The following HOTAIR variants were observed in gnomAD, a reference collection of about 807,000 sequenced individuals.
HOTAIR encodes the protein HOX transcript antisense RNA, also known as HOX transcript antisense RNA (non-protein coding).
In HOTAIR at chr12:53,973,917, G is replaced by T; in HGVS notation, n.59+981C>A. ...GGCCAAGGAGCCGGCCAAAGGAGCC[G>T]CCCCCAGTAGGTAGCAGCGGCCGGG... On this transcript the variant is annotated intron_variant and non_coding_transcript_variant, in intron 1 of 6. Transcript: ENST00000424518. The surrounding 1 kb of genome is among the most constrained non-coding windows in gnomAD (Gnocchi z 4.3). 6.9e-7 allele frequency: 1 copy of T among 1,440,786 alleles called. No homozygotes were observed. The highest frequency in any genetic ancestry group is 9.1e-7 in the Non-Finnish European group (1 of 1,094,944). 89.3% of individuals were successfully genotyped at this position (1,440,786 alleles called of 1,614,324 possible). A position where few individuals can be genotyped will look rare whatever the true frequency, so the allele number is the denominator to read the frequency against.
Position 53,973,393 on chromosome 12 carries a change from T to G in HOTAIR, n.59+1505A>C. The G allele has an allele frequency of 6.2e-7, 1 of 1,614,222 alleles. No individual in the cohort carries two copies. Among genetic ancestry groups the G allele is most frequent in the Non-Finnish European group, 8.5e-7 (1 of 1,180,046 alleles). ...GAGTTCTCCACGGTCTCCTCCTTCC[T>G]GCCCCAGGCCCCCTCTCGTCAGATC... On this transcript the variant is annotated intron_variant and non_coding_transcript_variant, in intron 1 of 6. Coordinates refer to ENST00000424518, the Ensembl canonical transcript of HOTAIR. The surrounding 1 kb of genome is among the most constrained non-coding windows in gnomAD (Gnocchi z 4.3).
Position 53,973,271 on chromosome 12 carries a change from C to T in HOTAIR, n.59+1627G>A. 3 of 1,612,042 alleles carry T rather than the reference C, an allele frequency of 1.9e-6. No individual in the cohort carries two copies. The highest frequency in any genetic ancestry group is 2.2e-5 in the East Asian group (1 of 44,860). On this transcript the variant is annotated intron_variant and non_coding_transcript_variant, in intron 1 of 6. Coordinates refer to ENST00000424518, the Ensembl canonical transcript of HOTAIR. This position sits in a 1 kb window ranked among gnomAD's most constrained non-coding sequence, Gnocchi z 4.3. ...TTAACTCGGTCAACCTGGGCAACTT[C>T]TGCTCTCCGTCGCGCAAGGAGAGGG...
At chr12:53,974,694 CTG>C (rs1349083599) in intron 1 of HOTAIR, among the ~76,000 whole-genome samples, 1 of 151,818 alleles carries the variant, frequency 6.6e-6, no homozygotes, top group Non-Finnish European at 1.5e-5. Flanking sequence ...AAGCGGCTCT[CTG>C]GTGTCTCGGT....
intron 1 of HOTAIR, among the ~76,000 whole-genome samples, chr12:53,970,601 A>G (rs1939133561): frequency 6.6e-6 from 1 of 152,198 alleles, no homozygotes; most frequent in Admixed American, 6.5e-5. Context: ...AAGGGGAGGA[A>G]TATTACTTTC....
rs771475169 is a variant in HOTAIR, at chr12:53,973,411, G to C, written n.59+1487C>G. 5 of 1,614,040 alleles carry C rather than the reference G, an allele frequency of 3.1e-6. No individual in the cohort carries two copies. The highest frequency in any genetic ancestry group is 1.3e-5 in the African/African-American group (1 of 74,992). ...TCCTTCCTGCCCCAGGCCCCCTCTC[G>C]TCAGATCTCCTATCCCTACTCGGCC... On this transcript the variant is annotated intron_variant and non_coding_transcript_variant, in intron 1 of 6. Transcript: ENST00000424518. The surrounding 1 kb of genome is among the most constrained non-coding windows in gnomAD (Gnocchi z 4.3).
intron 1 of HOTAIR, among the ~76,000 whole-genome samples, chr12:53,971,898 G>A (rs568488685): frequency 3.9e-5 from 6 of 152,378 alleles, no homozygotes; most frequent in Non-Finnish European, 8.8e-5. Context: ...TGACAGACTT[G>A]TAGGAGGGCA....
At chr12:53,968,644 C>T (rs1292129413) in exon 2 of HOTAIR, 2 of 152,404 alleles carry the variant, frequency 1.3e-5, no homozygotes, top group African/African-American at 2.4e-5. Flanking sequence ...ACTGTGGAAG[C>T]TTTCGGATCA....
At chr12:53,972,367 T>A (rs1478310725) in intron 1 of HOTAIR, among the ~76,000 whole-genome samples, 1 of 152,230 alleles carries the variant, frequency 6.6e-6, no homozygotes, top group Non-Finnish European at 1.5e-5. Context: ...TCATACTAAA[T>A]ATTTAACACA....
chr12:53,971,180 CT>C (rs1939140306), intron 1 of HOTAIR, among the ~76,000 whole-genome samples: 1 of 152,214 alleles, frequency 6.6e-6, no homozygotes, highest in South Asian at 2.1e-4. Context: ...GCAGATTTTT[CT>C]TTTCATGGCC....
rs1939185748 is a variant in HOTAIR at position 53,973,481 on chromosome 12, C to G, written n.59+1417G>C. ...AGGTCTCCTACGGCCTGGAGCCATC[C>G]GGCAAGTGGCACCATCGGAACAGCT... On this transcript the variant is annotated intron_variant and non_coding_transcript_variant, in intron 1 of 6. Coordinates refer to ENST00000424518, the Ensembl canonical transcript of HOTAIR. This position sits in a 1 kb window ranked among gnomAD's most constrained non-coding sequence, Gnocchi z 4.3. The G allele has an allele frequency of 6.2e-7, 1 of 1,614,146 alleles. No individual in the cohort carries two copies. The highest frequency in any genetic ancestry group is 8.5e-7 in the Non-Finnish European group (1 of 1,180,032).
intron 5 of HOTAIR, among the ~76,000 whole-genome samples, chr12:53,964,711 C>T (rs1180751676): frequency 1.3e-5 from 2 of 152,044 alleles, no homozygotes; most frequent in African/African-American, 4.8e-5. Context: ...GGAGGAGGGG[C>T]CAGGGGTGTA....
At chr12:53,964,223 C>A (rs200484491) in intron 6 of HOTAIR, 1 of 149,136 alleles carries the variant, frequency 6.7e-6, no homozygotes, top group Non-Finnish European at 1.5e-5. Context: ...AAAAAAAAAA[C>A]AACAAACCTT....
In HOTAIR at chr12:53,973,625, C is replaced by A. The variant is rs143575026; in HGVS notation, n.59+1273G>T. On this transcript the variant is annotated intron_variant and non_coding_transcript_variant, in intron 1 of 6. Transcript: ENST00000424518. The surrounding 1 kb of genome is among the most constrained non-coding windows in gnomAD (Gnocchi z 4.3). ...CCTACGGCGGCCACCACCACCCCAG[C>A]GCCCCGCACGCAACCCCCGCCGGCT... is the stretch of plus-strand genomic sequence containing the variant. 3 of 1,613,756 alleles carry A rather than the reference C, an allele frequency of 1.9e-6. No homozygotes were observed. Among genetic ancestry groups the A allele is most frequent in the Non-Finnish European group, 8.5e-7 (1 of 1,180,034 alleles).
intron 1 of HOTAIR, chr12:53,968,768 C>T (rs1939101434): frequency 6.6e-6 from 1 of 152,152 alleles, no homozygotes; most frequent in Admixed American, 6.6e-5. Context: ...TGGAACAGAT[C>T]CCAAACAAAT....
chr12:53,971,728 G>T (rs1200426363), intron 1 of HOTAIR, among the ~76,000 whole-genome samples: 1 of 152,236 alleles, frequency 6.6e-6, no homozygotes, highest in African/African-American at 2.4e-5. Context: ...TTCAGCTCAT[G>T]CTGGTTGCTT....
rs1939200071 is a variant in HOTAIR, at chr12:53,973,942, G to A, written n.59+956C>T. 4 of 1,435,886 alleles carry A rather than the reference G, an allele frequency of 2.8e-6. No individual in the cohort carries two copies. Among genetic ancestry groups the A allele is most frequent in the Non-Finnish European group, 3.7e-6 (4 of 1,093,108 alleles). 88.9% of individuals were successfully genotyped at this position (1,435,886 alleles called of 1,614,324 possible). A position where few individuals can be genotyped will look rare whatever the true frequency, so the allele number is the denominator to read the frequency against. On this transcript the variant is annotated intron_variant and non_coding_transcript_variant, in intron 1 of 6. Transcript: ENST00000424518. This position sits in a 1 kb window ranked among gnomAD's most constrained non-coding sequence, Gnocchi z 4.3. ...GCCCCCAGTAGGTAGCAGCGGCCGG[G>A]GAACGGGCGGGCAGCGAGGGAGGGA...
rs1303670775 is a variant in HOTAIR at position 53,973,400 on chromosome 12, G to T, written n.59+1498C>A. 6.2e-7 allele frequency: 1 copy of T among 1,613,940 alleles called. No homozygotes were observed. The highest frequency in any genetic ancestry group is 8.5e-7 in the Non-Finnish European group (1 of 1,180,024). On this transcript the variant is annotated intron_variant and non_coding_transcript_variant, in intron 1 of 6. Coordinates refer to ENST00000424518, the Ensembl canonical transcript of HOTAIR. The surrounding 1 kb of genome is among the most constrained non-coding windows in gnomAD (Gnocchi z 4.3). ...CCACGGTCTCCTCCTTCCTGCCCCA[G>T]GCCCCCTCTCGTCAGATCTCCTATC...
chr12:53,973,197 A>G lies in HOTAIR; in HGVS notation n.59+1701T>C. 2.0e-6 allele frequency: 3 copies of G among 1,491,778 alleles called. No homozygotes were observed. The highest frequency in any genetic ancestry group is 2.7e-6 in the Non-Finnish European group (3 of 1,117,206). The allele number at this position is 1,491,778 out of a possible 1,614,324, so 92.4% of individuals were successfully genotyped here. On this transcript the variant is annotated intron_variant and non_coding_transcript_variant, in intron 1 of 6. Transcript: ENST00000424518. This position sits in a 1 kb window ranked among gnomAD's most constrained non-coding sequence, Gnocchi z 4.3. ...TTCCCAAATTTTCCCCCCTCGCTAGACCGGGTCCAAAACCTCCATCCGGAG... is the reference window on the plus strand; with the variant it reads ...TTCCCAAATTTTCCCCCCTCGCTAGGCCGGGTCCAAAACCTCCATCCGGAG...
At chr12:53,963,046 C>T (rs1338200010) in exon 7 of HOTAIR, 1 of 152,250 alleles carries the variant, frequency 6.6e-6, no homozygotes, top group Non-Finnish European at 1.5e-5. Context: ...CAGGTGGATT[C>T]CTGGGTGGGT....
Sources: allele counts gnomAD v4.1 joint callset (sites outside exome capture counted in the v4.1 genomes callset), GRCh38; gene constraint gnomAD v4.1.1; non-coding constraint Gnocchi (gnomAD v3.1); transcripts MANE v1.5; gene names NCBI Gene and HGNC (gene_info 2026-07-23, HGNC 2026-07-21).